Variants in SRR observed in about 807,000 individuals in gnomAD.
The protein encoded by SRR is serine racemase.
In SRR, 19 loss-of-function variants were observed where a neutral mutation model predicts 32.7. That is an observed-to-expected ratio of 0.58 (90% CI 0.40 to 0.85). The LOEUF is 0.85. SRR is among the 40% of genes least tolerant of loss of function. The pLI is 0.00. For missense variants in SRR, 373 were observed against 404.7 expected, an observed-to-expected ratio of 0.92 and a Z score of 0.67; for synonymous variants, 142 against 140.9, an observed-to-expected ratio of 1.01 and a Z score of -0.06.
At position 2,324,165 on chromosome 17, in the gene SRR, G is replaced by C; in HGVS notation, c.*292G>C. 1 of 1,511,032 alleles carries C rather than the reference G, an allele frequency of 6.6e-7. No individual in the cohort carries two copies. The allele number at this position is 1,511,032 out of a possible 1,614,324, so 93.6% of individuals were successfully genotyped here. ...CCTCCCATCCCTGGAGTACTGACTG[G>C]CACCGGTAAGACAGAATCTCTTTGA... On this transcript the variant is annotated 3_prime_UTR_variant, in exon 8 of 8. Transcript: ENST00000344595.
chr17:2,309,469 C>T (rs1224235391), intron 1 of SRR, among the ~76,000 whole-genome samples: 2 of 152,080 alleles, frequency 1.3e-5, no homozygotes, highest in African/African-American at 4.8e-5. Context: ...TTGCTATTTT[C>T]CCCTCAGGTG....
At position 2,324,607 on chromosome 17, in the gene SRR, A is replaced by G. The variant is rs2151438887; in HGVS notation, c.*734A>G. 1 of 1,614,140 alleles carries G rather than the reference A, an allele frequency of 6.2e-7. No individual in the cohort carries two copies. The highest frequency in any genetic ancestry group is 8.5e-7 in the Non-Finnish European group (1 of 1,180,040). On this transcript the variant is annotated 3_prime_UTR_variant, in exon 8 of 8. Coordinates refer to ENST00000344595, the MANE Select transcript of SRR (RefSeq NM_021947.3). Reference sequence around the variant, plus strand: ...AGAATCAAACACATTAAAGACCAAGATGAAACATTTACCCACAAAATGTAA... The same window carrying G: ...AGAATCAAACACATTAAAGACCAAGGTGAAACATTTACCCACAAAATGTAA...
intron 1 of SRR, among the ~76,000 whole-genome samples, chr17:2,312,423 GTC>G (rs1398937239): frequency 2.0e-5 from 3 of 151,992 alleles, no homozygotes; most frequent in African/African-American, 7.2e-5. Context: ...GTGAAACCCT[GTC>G]TCTACTAAAA....
At chr17:2,307,436 G>T in intron 1 of SRR, 1 of 1,349,846 alleles carries the variant, frequency 7.4e-7, no homozygotes, top group Non-Finnish European at 1.0e-6. Context: ...AGTGGTCATG[G>T]TGGCTTTGGT....
At position 2,311,848 on chromosome 17, in the gene SRR, A is replaced by T. The variant is rs182126372; in HGVS notation, c.-4-3709A>T. Among the ~76,000 whole-genome samples the T allele has an allele frequency of 6.6e-5, 10 of 152,280 alleles. No individual in the cohort carries two copies. In the East Asian group the frequency reaches 1.9e-3, roughly 29 times the overall value. ...AATGGAACAAAATACAATAGCCCCAACCATTCATAGAAATTTAATTTTTGA... is the reference window on the plus strand; with the variant it reads ...AATGGAACAAAATACAATAGCCCCATCCATTCATAGAAATTTAATTTTTGA... On this transcript the variant is annotated intron_variant, in intron 1 of 7. Coordinates refer to ENST00000344595, the MANE Select transcript of SRR (RefSeq NM_021947.3).
upstream of SRR, chr17:2,303,642 C>T (rs186563376): frequency 1.2e-5 from 18 of 1,486,232 alleles, no homozygotes; most frequent in Admixed American, 3.8e-4. Flanking sequence ...CCTCTGCTCC[C>T]GGCCTGCGGG....
At chr17:2,303,521 G>C (rs1371508883), upstream of SRR, 5 of 1,334,940 alleles carry the variant, frequency 3.7e-6, no homozygotes, top group Non-Finnish European at 4.8e-6. Context: ...CCTACTGCTG[G>C]GGGAAGGGGC....
At chr17:2,319,821 C>CT (rs397701831) in intron 4 of SRR, among the ~76,000 whole-genome samples, 75,727 of 133,306 alleles carry the variant, frequency 0.57, 22,372 homozygotes, top group East Asian at 0.73. Flanking sequence ...CTTGTCTCTT[C>CT]TTTTTTTTTT....
At chr17:2,307,629 G>T in intron 1 of SRR, 1 of 946,848 alleles carries the variant, frequency 1.1e-6, no homozygotes, top group Non-Finnish European at 1.7e-6. Context: ...CTATGGTGGT[G>T]CAGGCCAATA....
intron 1 of SRR, among the ~76,000 whole-genome samples, chr17:2,304,422 T>A (rs1369545181): frequency 8.5e-6 from 1 of 118,192 alleles, no homozygotes; most frequent in Non-Finnish European, 1.8e-5. Flanking sequence ...CGGCTAATTT[T>A]TGTATTTTTT....
chr17:2,309,033 G>A (rs1281506946), intron 1 of SRR, among the ~76,000 whole-genome samples: 10 of 151,776 alleles, frequency 6.6e-5, no homozygotes, highest in African/African-American at 1.5e-4. Context: ...CAGGAGAATC[G>A]CTTGAATCCG....
At chr17:2,305,991 G>A (rs547537707) in intron 1 of SRR, among the ~76,000 whole-genome samples, 120 of 141,812 alleles carry the variant, frequency 8.5e-4, no homozygotes, top group Non-Finnish European at 1.4e-3. Flanking sequence ...GAGCCACCGC[G>A]CCCAGCCTTG....
At chr17:2,304,605 G>T (rs1441582864) in intron 1 of SRR, among the ~76,000 whole-genome samples, 1 of 151,656 alleles carries the variant, frequency 6.6e-6, no homozygotes, top group Non-Finnish European at 1.5e-5. Context: ...AAGTACATCA[G>T]GAGGCATATA....
At chr17:2,317,148 A>G (rs2075480516) in intron 2 of SRR, among the ~76,000 whole-genome samples, 1 of 133,790 alleles carries the variant, frequency 7.5e-6, no homozygotes, top group Non-Finnish European at 1.5e-5. Context: ...GGTTGCAGTG[A>G]GTTGAGATCA....
chr17:2,314,171 C>T (rs1236946685), intron 1 of SRR, among the ~76,000 whole-genome samples: 3 of 152,146 alleles, frequency 2.0e-5, no homozygotes, highest in East Asian at 3.9e-4. Flanking sequence ...CAGAAGGAGC[C>T]GGGCGCAGTG....
chr17:2,307,298 G>T (rs576200345), intron 1 of SRR: 2 of 1,101,320 alleles, frequency 1.8e-6, no homozygotes, highest in Non-Finnish European at 2.7e-6. Flanking sequence ...ATTAGGAAAG[G>T]CCTGTCAAAG....
Position 2,324,986 on chromosome 17 carries a change from ACC to A in SRR, c.*1114_*1115del. The stretch of plus-strand genomic sequence containing the variant: ...TTGGTAAACTGTAAGCCCACACTTA[ACC>A]TTGTCAATAGGTTCTTGAAAACTTG... On this transcript the variant is annotated 3_prime_UTR_variant, in exon 8 of 8. Transcript: ENST00000344595. 2.6e-6 allele frequency: 2 copies of A among 774,444 alleles called. No individual in the cohort carries two copies. Among genetic ancestry groups the A allele is most frequent in the Non-Finnish European group, 2.0e-6 (1 of 502,958 alleles). 48.0% of individuals were successfully genotyped at this position (774,444 alleles called of 1,614,324 possible). A position where few individuals can be genotyped will look rare whatever the true frequency, so the allele number is the denominator to read the frequency against.
chr17:2,318,015 T>A lies in SRR; in HGVS notation c.295+19T>A. ...TTGGAAGGTACTTGATTTCTCAAGGTACTGGGTAGATCTTCAGAAAGGAGT... is the reference window on the plus strand; with the variant it reads ...TTGGAAGGTACTTGATTTCTCAAGGAACTGGGTAGATCTTCAGAAAGGAGT... On this transcript the variant is annotated intron_variant, in intron 3 of 7. Transcript: ENST00000344595. The A allele has an allele frequency of 6.3e-7, 1 of 1,599,590 alleles. No homozygotes were observed. The highest frequency in any genetic ancestry group is 8.5e-7 in the Non-Finnish European group (1 of 1,170,350).
At chr17:2,309,121 A>T (rs367605333) in intron 1 of SRR, among the ~76,000 whole-genome samples, 5 of 151,900 alleles carry the variant, frequency 3.3e-5, no homozygotes, top group East Asian at 3.9e-4. Context: ...TCCATCTCAA[A>T]ATAATAATAA....
Sources: gnomAD v4.1 joint callset for allele counts (sites outside exome capture counted in the v4.1 genomes callset) on GRCh38, gnomAD v4.1.1 for gene constraint, MANE v1.5 for transcripts, NCBI Gene and HGNC (gene_info 2026-07-23, HGNC 2026-07-21) for gene names.